Variants in MAMDC2 observed in about 807,000 individuals in gnomAD.
The protein encoded by MAMDC2 is MAM domain-containing protein 2.
Under a neutral mutation model 89.8 loss-of-function variants are expected in MAMDC2, and 57 were observed. That is an observed-to-expected ratio of 0.63 (90% CI 0.51 to 0.79). MAMDC2 has a LOEUF of 0.79. Among genes scored for constraint, MAMDC2 ranks in the 30% least tolerant of loss-of-function variants. MAMDC2 has a pLI of 0.00. For synonymous variants in MAMDC2, 313 were observed against 293.4 expected, an observed-to-expected ratio of 1.07 and a Z score of -0.68; for missense variants, 800 against 820.6, an observed-to-expected ratio of 0.97 and a Z score of 0.31.
At chr9:70,116,300 G>T (rs1339827397) in intron 5 of MAMDC2, among the ~76,000 whole-genome samples, 1 of 152,176 alleles carries the variant, frequency 6.6e-6, no homozygotes, top group Non-Finnish European at 1.5e-5. Context: ...ATTTGCTTGT[G>T]TTACCTGAGT....
chr9:70,110,371 T>C (rs1455478658), intron 4 of MAMDC2, among the ~76,000 whole-genome samples: 1 of 152,148 alleles, frequency 6.6e-6, no homozygotes, highest in East Asian at 1.9e-4. Context: ...CAAATACTGC[T>C]GAGGAAGGAC....
intron 12 of MAMDC2, among the ~76,000 whole-genome samples, chr9:70,222,438 G>C (rs906882695): frequency 9.9e-5 from 15 of 152,150 alleles, no homozygotes; most frequent in African/African-American, 3.6e-4. Flanking sequence ...GGTAGAGATG[G>C]TATTTAGAGT....
chr9:70,192,179 C>G (rs1447849199), intron 11 of MAMDC2, among the ~76,000 whole-genome samples: 1 of 152,098 alleles, frequency 6.6e-6, no homozygotes, highest in Admixed American at 6.6e-5. Flanking sequence ...CATGTCCTTG[C>G]TGTTTGGAAA....
chr9:70,103,954 C>CCTGGGCGG (rs1476782697), intron 2 of MAMDC2, among the ~76,000 whole-genome samples: 1 of 151,310 alleles, frequency 6.6e-6, no homozygotes, highest in African/African-American at 2.4e-5. Flanking sequence ...TGCATTCCAG[C>CCTGGGCGG]CTGGGCGGCA....
At position 70,143,612 on chromosome 9, in the gene MAMDC2, C is replaced by T. The variant is rs1393100078; in HGVS notation, c.1197C>T (p.Leu399=). 1.9e-6 allele frequency: 3 copies of T among 1,614,004 alleles called. No homozygotes were observed. Among genetic ancestry groups the T allele is most frequent in the Non-Finnish European group, 2.5e-6 (3 of 1,179,984 alleles). Residue 399 remains leucine, a synonymous_variant, in exon 9 of 14, where the codon CTC becomes CTT. Transcript: ENST00000377182. ...FTSQPGYIGR[L]YGPSLPGNLQ... is the part of the protein sequence containing the mutation. ...CTCAGCCTGGCTACATTGGAAGGCT[C>T]TATGGGCCCTCCCTACCAGGAAACT...
chr9:70,111,440 A>C (rs2997708), intron 4 of MAMDC2, among the ~76,000 whole-genome samples: 5,005 of 152,268 alleles, frequency 0.033, 269 homozygotes, highest in African/African-American at 0.11. Flanking sequence ...TGGGTACTTT[A>C]TCTGCCTCTC....
chr9:70,120,765 C>T (rs1321038326), intron 5 of MAMDC2, among the ~76,000 whole-genome samples: 7 of 152,272 alleles, frequency 4.6e-5, no homozygotes, highest in African/African-American at 1.7e-4. Flanking sequence ...TTCATGCTTA[C>T]GTCATCCTTG....
At chr9:70,176,911 T>A (rs2032518872) in intron 11 of MAMDC2, among the ~76,000 whole-genome samples, 1 of 152,218 alleles carries the variant, frequency 6.6e-6, no homozygotes, top group Non-Finnish European at 1.5e-5. Flanking sequence ...CGATGCCTAG[T>A]GGATGCCTGA....
intron 11 of MAMDC2, among the ~76,000 whole-genome samples, chr9:70,187,678 T>C (rs751907645): frequency 6.6e-6 from 1 of 152,136 alleles, no homozygotes; most frequent in Non-Finnish European, 1.5e-5. Flanking sequence ...TCTGTCTATA[T>C]AGATTTGCCC....
rs574247274 is a variant in MAMDC2 at position 70,214,123 on chromosome 9, A to G, written c.1652-4214A>G. 2.0e-5 allele frequency among the ~76,000 whole-genome samples: 3 copies of G among 152,378 alleles called. No individual in the cohort carries two copies. The South Asian group carries it at 6.2e-4, about 32-fold the overall frequency. ...TCTGTCCTTGTGAATTCTAAAGGAAAGAGACAGGCAAACATAAAAATAAGA... is the reference window on the plus strand; with the variant it reads ...TCTGTCCTTGTGAATTCTAAAGGAAGGAGACAGGCAAACATAAAAATAAGA... On this transcript the variant is annotated intron_variant, in intron 11 of 13. Transcript: ENST00000377182.
intron 2 of MAMDC2, among the ~76,000 whole-genome samples, chr9:70,107,385 G>A (rs1206931575): frequency 6.6e-6 from 1 of 152,074 alleles, no homozygotes; most frequent in East Asian, 1.9e-4. Flanking sequence ...AGAAGGACGG[G>A]GAAAGGGGAA....
chr9:70,108,351 C>T lies in MAMDC2; in HGVS notation c.289C>T (p.Pro97Ser). 1.2e-6 allele frequency: 2 copies of T among 1,614,078 alleles called. No individual in the cohort carries two copies. Among genetic ancestry groups the T allele is most frequent in the Non-Finnish European group, 8.5e-7 (1 of 1,179,972 alleles). Residue 97 changes from proline to serine, a missense_variant, in exon 3 of 14, where the codon CCC (proline) becomes TCC (serine). Physicochemically the swap from Pro to Ser is moderately conservative, Grantham distance 74. Transcript: ENST00000377182. ...CACATCTTCGGAGTCTCTGTCAGAT[C>T]CCAGCCAGCTGAACCTCTACATGAG... ...ITTSSESLSD[P>S]SQLNLYMRFE...
At chr9:70,105,856 C>G (rs1828327326) in intron 2 of MAMDC2, 2 of 152,154 alleles carry the variant, frequency 1.3e-5, no homozygotes, top group Admixed American at 1.3e-4. Flanking sequence ...CTCTGTGCAC[C>G]TGCTTTAACA....
intron 11 of MAMDC2, among the ~76,000 whole-genome samples, chr9:70,182,803 T>C (rs12005243): frequency 0.13 from 20,465 of 152,226 alleles, 1,656 homozygotes; most frequent in African/African-American, 0.23. Context: ...AAAAACCAGC[T>C]CCTGGATTCA....
Position 70,225,980 on chromosome 9 carries a change from C to A in MAMDC2, c.2009C>A (p.Thr670Lys). 6.3e-7 allele frequency: 1 copy of A among 1,580,486 alleles called. No individual in the cohort carries two copies. The change falls in exon 14 of 14, where the codon ACA becomes AAA. Residue 670 changes from threonine to lysine, a missense_variant. Transcript: ENST00000377182. ...TCTTTCCTGACAGAAATGGAAGATA[C>A]AACTCAACAATCATCAGGATATTCT... ...QAGPCGEMED[T>K]TQQSSGYSED... is the part of the protein sequence containing the mutation.
At chr9:70,207,383 C>A (rs1453307726) in intron 11 of MAMDC2, among the ~76,000 whole-genome samples, 1 of 152,198 alleles carries the variant, frequency 6.6e-6, no homozygotes, top group South Asian at 2.1e-4. Flanking sequence ...ATGGCCAGTG[C>A]TGATGAGCAT....
In MAMDC2 at chr9:70,139,455, A is replaced by C. The variant is rs568613825; in HGVS notation, c.995-690A>C. The stretch of plus-strand genomic sequence containing the variant: ...TCCCTACAAAGGACATGAACTCATC[A>C]TTTTTTATGGCTGCATAGTATTCCA... On this transcript the variant is annotated intron_variant, in intron 7 of 13. Transcript: ENST00000377182. Among the ~76,000 whole-genome samples, 557 of 151,132 alleles carry C rather than the reference A, an allele frequency of 3.7e-3. 2 individuals carry two copies. Among genetic ancestry groups the C allele is most frequent in the African/African-American group, 0.012 (512 of 41,184 alleles).
At chr9:70,045,900 CA>C (rs1192404571) in intron 2 of MAMDC2, among the ~76,000 whole-genome samples, 2 of 152,196 alleles carry the variant, frequency 1.3e-5, no homozygotes, top group Non-Finnish European at 2.9e-5. Context: ...CAACAATTGC[CA>C]AGTCTTGACT....
At chr9:70,144,811 T>C (rs1397719929) in intron 9 of MAMDC2, among the ~76,000 whole-genome samples, 1 of 152,216 alleles carries the variant, frequency 6.6e-6, no homozygotes, top group Non-Finnish European at 1.5e-5. Context: ...TAGCCCGAAC[T>C]TCTCTTGGTT....
Sources: gnomAD v4.1 joint callset for allele counts (sites outside exome capture counted in the v4.1 genomes callset) on GRCh38, gnomAD v4.1.1 for gene constraint, MANE v1.5 for transcripts, NCBI Gene and HGNC (gene_info 2026-07-23, HGNC 2026-07-21) for gene names.